Variants in ABCA13 observed in about 807,000 individuals in gnomAD.
ABCA13 encodes the protein ATP-binding cassette sub-family A member 13.
A neutral mutation model predicts 478.7 loss-of-function variants in ABCA13; 476 were observed. The ratio of observed to expected loss-of-function variants is 0.99; its 90% CI spans 0.92 to 1.07. The LOEUF (loss-of-function observed/expected upper bound fraction) is 1.07, where lower values mean the gene tolerates loss of function less well. Among genes scored for constraint, ABCA13 ranks in the 50% least tolerant of loss-of-function variants. The pLI is 0.00. For synonymous variants in ABCA13, 2,252 were observed against 2,158.9 expected (o/e 1.04, Z -1.20); for missense variants, 6,060 against 5,910.6 (o/e 1.03, Z -0.83).
chr7:48,379,403 C>T (rs980231633), intron 35 of ABCA13, among the ~76,000 whole-genome samples: 1 of 152,052 alleles, frequency 6.6e-6, no homozygotes, highest in African/African-American at 2.4e-5. Flanking sequence ...CTCCTTTACT[C>T]TCTTGAAATG....
intron 27 of ABCA13, 21 bp downstream of exon 27, chr7:48,317,317 A>G (rs182715919): frequency 1.6e-4 from 259 of 1,607,512 alleles, no homozygotes; most frequent in Non-Finnish European, 2.1e-4. Flanking sequence ...ATAAATGAGA[A>G]TCATATAGAC....
intron 55 of ABCA13, among the ~76,000 whole-genome samples, chr7:48,530,450 C>T (rs914451812): frequency 2.0e-5 from 3 of 151,924 alleles, no homozygotes; most frequent in African/African-American, 4.8e-5. Context: ...CTGCTATAAA[C>T]GTGTGCGCAA....
At position 48,481,039 on chromosome 7, in the gene ABCA13, T is replaced by C. The variant is rs761623940; in HGVS notation, c.12979T>C (p.Cys4327Arg). The part of the protein sequence containing the change: ...EFQDSCGCLK[C>R]PNRSASAPYL... The stretch of plus-strand genomic sequence containing the variant: ...ATCTTTTTGAAAACAATTTCAGAAG[T>C]GTCCAAATAGAAGTGCTAGTGCTCC... The change falls in exon 46 of 62, where the codon TGT becomes CGT. Residue 4327 changes from cysteine (C) to arginine (R), a missense_variant. Transcript: ENST00000435803. The C allele has an allele frequency of 8.8e-6, 14 of 1,582,056 alleles. No individual in the cohort carries two copies. Among genetic ancestry groups the C allele is most frequent in the Non-Finnish European group, 1.2e-5 (14 of 1,161,980 alleles).
At chr7:48,205,974 G>A (rs902024702) in intron 3 of ABCA13, among the ~76,000 whole-genome samples, 4 of 152,088 alleles carry the variant, frequency 2.6e-5, no homozygotes, top group Admixed American at 2.6e-4. Context: ...GAAATATAAA[G>A]CATCTTCATT....
At chr7:48,550,251 A>C (rs563341626) in intron 55 of ABCA13, among the ~76,000 whole-genome samples, 2 of 141,872 alleles carry the variant, frequency 1.4e-5, no homozygotes, top group African/African-American at 5.4e-5. Flanking sequence ...AAACTCTTTG[A>C]AGTCTCTATT....
intron 41 of ABCA13, among the ~76,000 whole-genome samples, chr7:48,415,870 A>T (rs1819907492): frequency 6.6e-6 from 1 of 152,194 alleles, no homozygotes; most frequent in Non-Finnish European, 1.5e-5. Context: ...GGAGAGGCTT[A>T]TTCATAACCA....
intron 15 of ABCA13, among the ~76,000 whole-genome samples, chr7:48,263,289 C>A (rs1289957769): frequency 2.0e-5 from 3 of 151,878 alleles, no homozygotes; most frequent in African/African-American, 7.2e-5. Flanking sequence ...TCCTCCTTTT[C>A]CTATTAGAAC....
chr7:48,391,521 G>A (rs1816046116), intron 37 of ABCA13, among the ~76,000 whole-genome samples: 1 of 152,196 alleles, frequency 6.6e-6, no homozygotes, highest in African/African-American at 2.4e-5. Flanking sequence ...TACGCTTTGT[G>A]ATAGATGATT....
chr7:48,550,449 G>T (rs1235842355), intron 55 of ABCA13, among the ~76,000 whole-genome samples: 2 of 151,364 alleles, frequency 1.3e-5, no homozygotes, highest in African/African-American at 4.8e-5. Flanking sequence ...GTAGAGACGG[G>T]GTTTCATCAT....
At chr7:48,220,835 T>C (rs1347044566) in intron 4 of ABCA13, among the ~76,000 whole-genome samples, 2 of 152,206 alleles carry the variant, frequency 1.3e-5, no homozygotes, top group African/African-American at 4.8e-5. Context: ...TTTCTAGTTT[T>C]CTATTATTTG....
chr7:48,512,327 G>A (rs1254117874), intron 51 of ABCA13, among the ~76,000 whole-genome samples: 1 of 152,138 alleles, frequency 6.6e-6, no homozygotes. Context: ...CATGGACAAT[G>A]ACTGGTACAA....
At chr7:48,547,059 T>TA (rs1721880564) in intron 55 of ABCA13, among the ~76,000 whole-genome samples, 1 of 151,856 alleles carries the variant, frequency 6.6e-6, no homozygotes, top group South Asian at 2.1e-4. Context: ...GACACCAGTT[T>TA]AAAAAAATGG....
At chr7:48,336,935 A>G (rs1584909880) in intron 28 of ABCA13, among the ~76,000 whole-genome samples, 1 of 152,236 alleles carries the variant, frequency 6.6e-6, no homozygotes, top group East Asian at 1.9e-4. Context: ...CACCAAGTCG[A>G]GAATGTACAA....
At chr7:48,584,944 G>A (rs1789034563) in intron 56 of ABCA13, among the ~76,000 whole-genome samples, 1 of 152,116 alleles carries the variant, frequency 6.6e-6, no homozygotes, top group Non-Finnish European at 1.5e-5. Context: ...CATGCTCTTA[G>A]TTTTCTTCTC....
chr7:48,273,347 C>A lies in ABCA13; in HGVS notation c.3681C>A (p.Asp1227Glu). ...CCAATGACTTCCATAATTGGGAGGA[C>A]TTCCTGGATCTCAGGGATTTTTTGG... ...TQANDFHNWE[D>E]FLDLRDFLVA... is the part of the protein sequence containing the mutation. Residue 1227 changes from aspartate to glutamate, a missense_variant, in exon 17 of 62, where the codon GAC becomes GAA. Physicochemically the swap from Asp to Glu is conservative, Grantham distance 45. This residue lies in a region of ABCA13 where 4,423 missense variants were observed against 4,309.1 expected (regional missense o/e 1.03). Transcript: ENST00000435803. 6.2e-7 allele frequency: 1 copy of A among 1,613,670 alleles called. No individual in the cohort carries two copies. Among genetic ancestry groups the A allele is most frequent in the Non-Finnish European group, 8.5e-7 (1 of 1,179,744 alleles).
At chr7:48,464,085 A>G (rs1177459875) in intron 43 of ABCA13, among the ~76,000 whole-genome samples, 1 of 152,236 alleles carries the variant, frequency 6.6e-6, no homozygotes, top group Non-Finnish European at 1.5e-5. Context: ...GATTCCATTT[A>G]TGAAGTTCCT....
intron 59 of ABCA13, among the ~76,000 whole-genome samples, chr7:48,621,689 A>G (rs1444108745): frequency 1.3e-5 from 2 of 152,168 alleles, no homozygotes; most frequent in East Asian, 3.8e-4. Flanking sequence ...TTAACTTTAG[A>G]TTGGTATTCC....
chr7:48,317,236 A>T lies in ABCA13; in HGVS notation c.9939A>T (p.Ile3313=). ...GALVWTFLKP[I]LHGKILYTPN... ...TGGTGTGGACCTTCCTAAAACCCAT[A>T]TTGCATGGAAAAATACTATACACAC... Residue 3313 remains isoleucine (I), a synonymous_variant, in exon 27 of 62, where the codon ATA becomes ATT. Transcript: ENST00000435803. 1.9e-6 allele frequency: 3 copies of T among 1,613,714 alleles called. No homozygotes were observed. The highest frequency in any genetic ancestry group is 2.5e-6 in the Non-Finnish European group (3 of 1,179,836).
chr7:48,314,436 G>A, intron 26 of ABCA13, 27 bp downstream of exon 26: 6 of 1,500,874 alleles, frequency 4.0e-6, no homozygotes, highest in Non-Finnish European at 4.5e-6. Context: ...ATATATATAT[G>A]TGTTTAGATT....
Sources: allele counts gnomAD v4.1 joint callset (sites outside exome capture counted in the v4.1 genomes callset), GRCh38; gene constraint gnomAD v4.1.1; regional missense constraint gnomAD v4.1.1; transcripts MANE v1.5; gene names NCBI Gene and HGNC (gene_info 2026-07-23, HGNC 2026-07-21).